The following PHYHD1 variants were observed in gnomAD, a reference collection of about 807,000 sequenced individuals.
The protein encoded by PHYHD1 is phytanoyl-CoA dioxygenase domain containing 1, also known as phytanoyl-CoA dioxygenase domain-containing protein 1.
PHYHD1 carries 42 observed loss-of-function variants against 43.6 expected under a neutral mutation model. The observed-to-expected ratio is 0.96, with a 90% CI of 0.75 to 1.25. The LOEUF is 1.25. PHYHD1 is among the 50% of genes most tolerant of loss of function. The pLI is 0.00. For missense variants in PHYHD1, 342 were observed against 370.8 expected (o/e 0.92, Z 0.64); for synonymous variants, 139 against 143.6 (o/e 0.97, Z 0.23).
In PHYHD1 at chr9:128,922,393, C is replaced by CG. The variant is rs751427630; in HGVS notation, c.33+44dup. 1.9e-4 allele frequency: 293 copies of CG among 1,544,432 alleles called. No homozygotes were observed. In the East Asian group the frequency reaches 3.3e-3, roughly 17 times the overall value. ...CAAGTCGGGGCCGGGAGGGTCATGG[C>CG]GGGGGGGTCCCTGCCGGACCTTCAG... On this transcript the variant is annotated intron_variant, in intron 3 of 12. Transcript: ENST00000372592.
At chr9:128,940,744 G>GAGGGCAGAGAGGCA in intron 11 of PHYHD1, 29 bp downstream of exon 11, 1 of 1,606,346 alleles carries the variant, frequency 6.2e-7, no homozygotes, top group Non-Finnish European at 8.5e-7. Flanking sequence ...CAGAGAGGCA[G>GAGGGCAGAGAGGCA]GGGGCTGAGT....
At chr9:128,927,523 G>A (rs1021841612) in intron 4 of PHYHD1, among the ~76,000 whole-genome samples, 3 of 152,112 alleles carry the variant, frequency 2.0e-5, no homozygotes, top group African/African-American at 7.2e-5. Context: ...TTACAGGCAT[G>A]CGCCACCAGG....
At position 128,940,731 on chromosome 9, in the gene PHYHD1, G is replaced by A. The variant is rs753543380; in HGVS notation, c.703+16G>A. The A allele has an allele frequency of 2.5e-6, 4 of 1,610,958 alleles. No individual in the cohort carries two copies. Among genetic ancestry groups the A allele is most frequent in the East Asian group, 2.2e-5 (1 of 44,874 alleles). On this transcript the variant is annotated intron_variant, in intron 11 of 12. Transcript: ENST00000372592. Reference sequence around the variant, plus strand: ...GTGCAGAGAGGTAGGCAGATGCAGAGGGCAGAGAGGCAGGGGGCTGAGTCC... The same window carrying A: ...GTGCAGAGAGGTAGGCAGATGCAGAAGGCAGAGAGGCAGGGGGCTGAGTCC...
rs1841567660 is a variant in PHYHD1, at chr9:128,941,693, T to C, written c.856T>C (p.Phe286Leu). ...NWLQPTAELP[F>L]PQLYT ...GCTCCAGCCAACAGCTGAACTGCCC[T>C]TTCCCCAACTGTACACCTAAAGGCT... Residue 286 changes from phenylalanine to leucine, a missense_variant, in exon 13 of 13, where the codon TTT (phenylalanine) becomes CTT (leucine). By Grantham distance (22) the Phe-to-Leu change is conservative. Transcript: ENST00000372592. 1 of 1,614,066 alleles carries C rather than the reference T, an allele frequency of 6.2e-7. No homozygotes were observed. The highest frequency in any genetic ancestry group is 1.3e-5 in the African/African-American group (1 of 74,928).
chr9:128,941,615 G>A, intron 12 of PHYHD1, 44 bp downstream of exon 12: 1 of 1,614,156 alleles, frequency 6.2e-7, no homozygotes, highest in Non-Finnish European at 8.5e-7. Flanking sequence ...TCCCCTGGAG[G>A]CTGGGAACAG....
intron 7 of PHYHD1, 37 bp downstream of exon 7, chr9:128,936,540 C>A (rs1841427455): frequency 1.2e-6 from 2 of 1,611,300 alleles, no homozygotes; most frequent in Non-Finnish European, 1.7e-6. Flanking sequence ...GGAGGGTGGG[C>A]CATGTGTGGC....
intron 3 of PHYHD1, among the ~76,000 whole-genome samples, chr9:128,924,373 G>A (rs1368292140): frequency 6.6e-6 from 1 of 151,916 alleles, no homozygotes; most frequent in Non-Finnish European, 1.5e-5. Context: ...AGCTGAGATC[G>A]CGCCACTGCG....
At chr9:128,927,536 C>T (rs1364194325) in intron 4 of PHYHD1, among the ~76,000 whole-genome samples, 2 of 152,104 alleles carry the variant, frequency 1.3e-5, no homozygotes, top group Non-Finnish European at 2.9e-5. Context: ...CCACCAGGCC[C>T]GGCTAATTTT....
In PHYHD1 at chr9:128,936,468, G is replaced by A. The variant is rs200242321; in HGVS notation, c.337G>A (p.Val113Ile). 2.3e-5 allele frequency: 37 copies of A among 1,613,524 alleles called. No homozygotes were observed. The highest frequency in any genetic ancestry group is 1.5e-4 in the African/African-American group (11 of 75,004). ...CATAGCTCTGCACGCCCACGACCCC[G>A]TCTTCAAGAGCATCACACACTCCTT... is the stretch of plus-strand genomic sequence containing the variant. ...IGHALHAHDP[V>I]FKSITHSFKV... Residue 113 changes from valine to isoleucine, a missense_variant, in exon 7 of 13, where the codon GTC becomes ATC. Val to Ile is a conservative substitution (Grantham distance 29, BLOSUM62 3). Transcript: ENST00000372592.
intron 11 of PHYHD1, among the ~76,000 whole-genome samples, chr9:128,940,917 C>T (rs1841544014): frequency 6.6e-6 from 1 of 152,142 alleles, no homozygotes; most frequent in African/African-American, 2.4e-5. Flanking sequence ...CCCTGGAATC[C>T]ACACTCTGCT....
At chr9:128,937,916 C>G in intron 9 of PHYHD1, 138 bp downstream of exon 9, 1 of 1,538,844 alleles carries the variant, frequency 6.5e-7, no homozygotes, top group South Asian at 1.2e-5. Flanking sequence ...GAGGAGCCAC[C>G]TTCCATTCCT....
At chr9:128,941,168 C>A (rs1841550897) in intron 11 of PHYHD1, among the ~76,000 whole-genome samples, 1 of 152,174 alleles carries the variant, frequency 6.6e-6, no homozygotes, top group South Asian at 2.1e-4. Flanking sequence ...AGGGCTTCTG[C>A]CTGATCCTGC....
At chr9:128,935,762 C>T (rs12005457) in intron 6 of PHYHD1, among the ~76,000 whole-genome samples, 10,084 of 151,852 alleles carry the variant, frequency 0.066, 1,083 homozygotes, top group African/African-American at 0.23. Context: ...ATTAGCTGGG[C>T]GTGGTGGCAC....
At chr9:128,928,527 AC>A (rs761862720) in intron 4 of PHYHD1, among the ~76,000 whole-genome samples, 3 of 151,816 alleles carry the variant, frequency 2.0e-5, no homozygotes, top group Non-Finnish European at 2.9e-5. Flanking sequence ...ACATGGTGAA[AC>A]CCTGTTTCTA....
In PHYHD1 at chr9:128,940,679, G is replaced by A; in HGVS notation, c.667G>A (p.Asp223Asn). The A allele has an allele frequency of 6.2e-7, 1 of 1,613,968 alleles. No homozygotes were observed. Among genetic ancestry groups the A allele is most frequent in the Non-Finnish European group, 8.5e-7 (1 of 1,180,044 alleles). Residue 223 changes from aspartate to asparagine, a missense_variant, in exon 11 of 13, where the codon GAT becomes AAT. By Grantham distance (23) the Asp-to-Asn change is conservative. Coordinates refer to ENST00000372592, the MANE Select transcript of PHYHD1 (RefSeq NM_001100876.2). The part of the protein sequence containing the change: ...TSFLGSEPAR[D>N]NSLFVPTPVQ... ...CTTCCTTGGGTCAGAGCCAGCCCGG[G>A]ATAACAGCCTCTTTGTGCCCACCCC...
intron 3 of PHYHD1, among the ~76,000 whole-genome samples, chr9:128,926,019 G>A (rs1407707751): frequency 1.3e-5 from 2 of 152,214 alleles, no homozygotes; most frequent in Non-Finnish European, 2.9e-5. Context: ...TGTGTGGTTA[G>A]TGTAATGCCG....
At chr9:128,923,590 C>G (rs1012654718) in intron 3 of PHYHD1, among the ~76,000 whole-genome samples, 3 of 152,250 alleles carry the variant, frequency 2.0e-5, no homozygotes, top group Non-Finnish European at 2.9e-5. Context: ...TCCCCTTGCG[C>G]TGAGCATTTA....
At chr9:128,937,268 A>C (rs1347652450) in intron 8 of PHYHD1, among the ~76,000 whole-genome samples, 2 of 152,000 alleles carry the variant, frequency 1.3e-5, no homozygotes, top group African/African-American at 4.8e-5. Flanking sequence ...GAAGAAAAAA[A>C]AAAAGAAAAA....
intron 8 of PHYHD1, among the ~76,000 whole-genome samples, chr9:128,936,985 C>T (rs1841439580): frequency 6.6e-6 from 1 of 152,022 alleles, no homozygotes; most frequent in Non-Finnish European, 1.5e-5. Flanking sequence ...CGTGATGGCA[C>T]ACACCTGTAG....
Sources: allele counts gnomAD v4.1 joint callset (sites outside exome capture counted in the v4.1 genomes callset), GRCh38; gene constraint gnomAD v4.1.1; transcripts MANE v1.5; gene names NCBI Gene and HGNC (gene_info 2026-07-23, HGNC 2026-07-21).